The following KANK1 variants were observed in gnomAD, a reference collection of about 807,000 sequenced individuals.
KANK1 encodes the protein KN motif and ankyrin repeat domain-containing protein 1.
KANK1 carries 109 observed loss-of-function variants against 106.2 expected under a neutral mutation model. The observed-to-expected ratio is 1.03, with a 90% CI of 0.88 to 1.20. The LOEUF (loss-of-function observed/expected upper bound fraction) is 1.20, where lower values mean the gene tolerates loss of function less well. Ranked by LOEUF, KANK1 falls within the 50% of genes most tolerant of loss-of-function variation. The pLI, the probability that KANK1 is intolerant of heterozygous loss-of-function variation, is 0.00. For missense variants in KANK1, 2,399 were observed against 1,710.7 expected, an observed-to-expected ratio of 1.40 and a Z score of -7.10; for synonymous variants, 873 against 652.2, an observed-to-expected ratio of 1.34 and a Z score of -5.16.
At chr9:588,100 T>C (rs1206376654) in intron 1 of KANK1, among the ~76,000 whole-genome samples, 1 of 151,838 alleles carries the variant, frequency 6.6e-6, no homozygotes, top group African/African-American at 2.4e-5. Context: ...AAGAAATGAC[T>C]TGCCCATGTT....
intron 1 of KANK1, among the ~76,000 whole-genome samples, chr9:659,067 A>C (rs74408531): frequency 0.013 from 1,983 of 152,248 alleles, 46 homozygotes; most frequent in African/African-American, 0.046. Flanking sequence ...TTGTTTGTGC[A>C]CATATAGTTC....
chr9:555,120 C>T (rs896181876), intron 1 of KANK1, among the ~76,000 whole-genome samples: 1 of 152,192 alleles, frequency 6.6e-6, no homozygotes, highest in East Asian at 1.9e-4. Context: ...ACTAATAAGT[C>T]ATAAGACAGT....
chr9:531,471 A>T (rs1200986565), intron 1 of KANK1, among the ~76,000 whole-genome samples: 1 of 152,212 alleles, frequency 6.6e-6, no homozygotes, highest in East Asian at 1.9e-4. Flanking sequence ...TGGGATCAAG[A>T]TCGGCTTACA....
At chr9:601,069 A>G (rs576313328) in intron 1 of KANK1, among the ~76,000 whole-genome samples, 3 of 151,874 alleles carry the variant, frequency 2.0e-5, no homozygotes, top group South Asian at 4.1e-4. Flanking sequence ...AGTGAGGAGT[A>G]AGAGTAACCA....
Position 609,287 on chromosome 9 carries a change from C to T in KANK1, c.-83-67603C>T, listed in dbSNP as rs563285018. Among the ~76,000 whole-genome samples, 6 of 152,176 alleles carry T rather than the reference C, an allele frequency of 3.9e-5. No homozygotes were observed. The South Asian group carries it at 1.2e-3, about 32-fold the overall frequency. On this transcript the variant is annotated intron_variant, in intron 1 of 11. Transcript: ENST00000382297. Reference sequence around the variant, plus strand: ...AATTAAATAGATTTGCTTAACAGTTCTTTGGGAATTCCTTAAACTTTATTG... The same window carrying T: ...AATTAAATAGATTTGCTTAACAGTTTTTTGGGAATTCCTTAAACTTTATTG...
intron 1 of KANK1, among the ~76,000 whole-genome samples, chr9:566,639 T>G (rs1379176645): frequency 6.6e-6 from 1 of 152,246 alleles, no homozygotes; most frequent in African/African-American, 2.4e-5. Context: ...CACATACTTG[T>G]TGGCCGCATG....
rs1276656385 is a variant in KANK1 at position 745,918 on chromosome 9, A to G, written c.*683A>G. 1 of 152,654 alleles carries G rather than the reference A, an allele frequency of 6.6e-6. No individual in the cohort carries two copies. Among genetic ancestry groups the G allele is most frequent in the Non-Finnish European group, 1.5e-5 (1 of 68,038 alleles). 9.5% of individuals were successfully genotyped at this position (152,654 alleles called of 1,614,324 possible). On this transcript the variant is annotated 3_prime_UTR_variant, in exon 12 of 12. Transcript: ENST00000382297. Reference sequence around the variant, plus strand: ...CATTTGTATTAATTGCACAACTCCAATGCTAAAGGTTGGATTGTGTTAGAG... The same window carrying G: ...CATTTGTATTAATTGCACAACTCCAGTGCTAAAGGTTGGATTGTGTTAGAG...
chr9:568,699 C>T (rs908627251), intron 1 of KANK1, among the ~76,000 whole-genome samples: 1 of 152,120 alleles, frequency 6.6e-6, no homozygotes, highest in Non-Finnish European at 1.5e-5. Flanking sequence ...CAATATGTTG[C>T]CCAGGCTGAT....
chr9:693,485 T>C, intron 2 of KANK1: 1 of 985,388 alleles, frequency 1.0e-6, no homozygotes, highest in Non-Finnish European at 1.2e-6. Flanking sequence ...AGTATGAGGA[T>C]AGTTTGAAAA....
chr9:641,990 C>T (rs1253042151), intron 1 of KANK1, among the ~76,000 whole-genome samples: 1 of 152,128 alleles, frequency 6.6e-6, no homozygotes, highest in Non-Finnish European at 1.5e-5. Flanking sequence ...ATTTCCTCCC[C>T]AACCACCACA....
At chr9:618,526 A>T (rs187950636) in intron 1 of KANK1, among the ~76,000 whole-genome samples, 2 of 152,274 alleles carry the variant, frequency 1.3e-5, no homozygotes, top group Admixed American at 1.3e-4. Context: ...CATTTTTAAA[A>T]TGAAGAAACA....
chr9:474,678 T>C (rs1490685001), intron 3 of KANK1, among the ~76,000 whole-genome samples: 1 of 152,156 alleles, frequency 6.6e-6, no homozygotes, highest in Non-Finnish European at 1.5e-5. Context: ...TCACTACCCA[T>C]GGCCACTTTC....
At chr9:726,513 C>G (rs1206881085) in intron 3 of KANK1, among the ~76,000 whole-genome samples, 2 of 152,048 alleles carry the variant, frequency 1.3e-5, no homozygotes, top group Non-Finnish European at 2.9e-5. Context: ...GTGGCACTTG[C>G]CTGTAGCCCC....
intron 1 of KANK1, among the ~76,000 whole-genome samples, chr9:592,207 C>T (rs1825085088): frequency 2.0e-5 from 3 of 151,724 alleles, no homozygotes; most frequent in Non-Finnish European, 4.4e-5. Flanking sequence ...TTACCTGGAG[C>T]CTGAGAGCAA....
At chr9:616,724 T>C (rs929101764) in intron 1 of KANK1, among the ~76,000 whole-genome samples, 1 of 128,366 alleles carries the variant, frequency 7.8e-6, no homozygotes, top group Non-Finnish European at 1.7e-5. Context: ...ACACGTCCAT[T>C]ATTTGTCAGC....
At chr9:474,334 A>T (rs1349232328) in intron 3 of KANK1, among the ~76,000 whole-genome samples, 1 of 152,228 alleles carries the variant, frequency 6.6e-6, no homozygotes, top group Non-Finnish European at 1.5e-5. Flanking sequence ...CAGGGGTCAA[A>T]GATGCTGAAG....
At chr9:593,146 C>G (rs1477319375) in intron 1 of KANK1, among the ~76,000 whole-genome samples, 1 of 151,770 alleles carries the variant, frequency 6.6e-6, no homozygotes, top group African/African-American at 2.4e-5. Flanking sequence ...CAGTGACTAC[C>G]TTTCCTAACT....
chr9:731,229 G>C lies in KANK1; in HGVS notation c.2968G>C (p.Ala990Pro). ...KKDGNKDSNG[A>P]KKNLQFVGIN... ...AGATGGTAACAAAGATTCAAATGGC[G>C]CAAAAAAGAATCTTCAGTTTGTTGG... The change falls in exon 5 of 12, where the codon GCA becomes CCA. Residue 990 changes from alanine (A) to proline (P), a missense_variant. Ala to Pro is a conservative substitution (Grantham distance 27, BLOSUM62 -1). Coordinates refer to ENST00000382297, the MANE Select transcript of KANK1 (RefSeq NM_015158.5). The C allele has an allele frequency of 6.2e-7, 1 of 1,609,738 alleles. No individual in the cohort carries two copies. The highest frequency in any genetic ancestry group is 8.5e-7 in the Non-Finnish European group (1 of 1,176,412).
In KANK1 at chr9:611,822, G is replaced by A. The variant is rs536567298; in HGVS notation, c.-83-65068G>A. Among the ~76,000 whole-genome samples the A allele has an allele frequency of 3.9e-5, 6 of 152,224 alleles. No homozygotes were observed. In the South Asian group the frequency reaches 6.2e-4, roughly 16 times the overall value. ...CAACCTCCGCCTCCCGGGTTCAACC[G>A]ATTTTCCTGCCTCAGCCTCCTGAGT... On this transcript the variant is annotated intron_variant, in intron 1 of 11. Transcript: ENST00000382297.
Sources: gnomAD v4.1 joint callset for allele counts (sites outside exome capture counted in the v4.1 genomes callset) on GRCh38, gnomAD v4.1.1 for gene constraint, MANE v1.5 for transcripts, NCBI Gene and HGNC (gene_info 2026-07-23, HGNC 2026-07-21) for gene names.